The following NLRP14 variants were observed in gnomAD, a reference collection of about 807,000 sequenced individuals.
The protein encoded by NLRP14 is NLR family pyrin domain containing 14.
In NLRP14, 105 loss-of-function variants were observed where a neutral mutation model predicts 94.7. That is an observed-to-expected ratio of 1.11 (90% CI 0.95 to 1.30). The LOEUF is 1.30. Ranked by LOEUF, NLRP14 falls within the 50% of genes most tolerant of loss-of-function variation. The pLI is 0.00. For missense variants in NLRP14, 1,362 were observed against 1,254.1 expected (o/e 1.09, Z -1.30); for synonymous variants, 508 against 459.9 (o/e 1.10, Z -1.34).
At chr11:7,072,869 G>C (rs1028456659), downstream of NLRP14, among the ~76,000 whole-genome samples, 3 of 152,154 alleles carry the variant, frequency 2.0e-5, no homozygotes, top group Admixed American at 6.5e-5. Flanking sequence ...GTCTCAGAGA[G>C]ATAGTTTTAT....
At chr11:7,076,193 T>A (rs989686938), downstream of NLRP14, among the ~76,000 whole-genome samples, 1 of 152,142 alleles carries the variant, frequency 6.6e-6, no homozygotes, top group Non-Finnish European at 1.5e-5. Context: ...GTTACTAAGT[T>A]TTTTTGTATC....
At position 7,039,752 on chromosome 11, in the gene NLRP14, G is replaced by A; in HGVS notation, c.328G>A (p.Gly110Arg). The A allele has an allele frequency of 1.2e-6, 2 of 1,614,028 alleles. No homozygotes were observed. The highest frequency in any genetic ancestry group is 8.5e-7 in the Non-Finnish European group (1 of 1,179,888). ...QTIGPDDAKA[G>R]ETQEDQEAVL... ...TATAGGACCAGATGATGCCAAGGCT[G>A]GAGAGACACAAGAAGATCAGGAGGC... Residue 110 changes from glycine (G) to arginine (R), a missense_variant, in exon 3 of 12, where the codon GGA becomes AGA. Gly to Arg is a moderately radical substitution (Grantham distance 125). Transcript: ENST00000299481.
At chr11:7,030,607 T>G (rs1219272652) in intron 1 of NLRP14, among the ~76,000 whole-genome samples, 1 of 152,136 alleles carries the variant, frequency 6.6e-6, no homozygotes, top group African/African-American at 2.4e-5. Flanking sequence ...ATTCATTATT[T>G]GTGCCCCTTC....
At chr11:7,025,584 T>A (rs1852003311) in intron 1 of NLRP14, among the ~76,000 whole-genome samples, 1 of 152,176 alleles carries the variant, frequency 6.6e-6, no homozygotes, top group African/African-American at 2.4e-5. Context: ...ACTGAATTTT[T>A]CAATAGAAAG....
intron 1 of NLRP14, among the ~76,000 whole-genome samples, chr11:7,026,243 C>G (rs962531522): frequency 6.6e-6 from 1 of 151,984 alleles, no homozygotes; most frequent in Non-Finnish European, 1.5e-5. Context: ...AGAAAATTTT[C>G]GCAACCTACT....
At chr11:7,024,574 C>G (rs550613505) in intron 1 of NLRP14, among the ~76,000 whole-genome samples, 1 of 152,232 alleles carries the variant, frequency 6.6e-6, no homozygotes, top group South Asian at 2.1e-4. Context: ...TGAGAGAGGT[C>G]TCTGGAATCT....
the NLRP14 span, chr11:7,090,303 G>T: frequency 6.3e-7 from 1 of 1,589,404 alleles, no homozygotes; most frequent in Non-Finnish European, 8.6e-7. Context: ...ATACTAAGCA[G>T]GAACAGACTT....
chr11:7,062,202 C>G, intron 9 of NLRP14, 131 bp from the exon 10 acceptor site: 1 of 748,696 alleles, frequency 1.3e-6, no homozygotes, highest in South Asian at 1.6e-5. Flanking sequence ...TTAGACCCTC[C>G]CATGTATGTC....
At chr11:7,028,566 C>T (rs1225521225) in intron 1 of NLRP14, among the ~76,000 whole-genome samples, 1 of 152,120 alleles carries the variant, frequency 6.6e-6, no homozygotes, top group Non-Finnish European at 1.5e-5. Flanking sequence ...TGCCCAAAAC[C>T]CTCAGCTGGC....
chr11:7,049,880 G>C (rs759192374), intron 6 of NLRP14, 42 bp downstream of exon 6: 4 of 1,548,848 alleles, frequency 2.6e-6, no homozygotes, highest in Admixed American at 1.7e-5. Flanking sequence ...TTTTATAATT[G>C]AGGCTTTTGT....
At position 7,026,956 on chromosome 11, in the gene NLRP14, TATA is replaced by T. The variant is rs766560468; in HGVS notation, c.-22+6200_-22+6202del. On this transcript the variant is annotated intron_variant, in intron 1 of 11. Coordinates refer to ENST00000299481, the MANE Select transcript of NLRP14 (RefSeq NM_176822.4). ...TGCACATATACCCTAAAACTTAAAGTATAATAATAATAATAAAAAAGAAAAGAA... is the reference window on the plus strand; with the variant it reads ...TGCACATATACCCTAAAACTTAAAGTATAATAATAATAAAAAAGAAAAGAA... Among the ~76,000 whole-genome samples the T allele has an allele frequency of 2.0e-3, 301 of 151,690 alleles. 2 individuals carry two copies. The highest frequency in any genetic ancestry group is 6.9e-3 in the African/African-American group (286 of 41,326).
At chr11:7,090,283 G>A in the NLRP14 span, 3 of 1,601,356 alleles carry the variant, frequency 1.9e-6, no homozygotes, top group Non-Finnish European at 2.6e-6. Context: ...AGAGGAGGAG[G>A]CCGGAGCAGA....
intron 3 of NLRP14, among the ~76,000 whole-genome samples, chr11:7,041,873 G>A (rs954651519): frequency 1.3e-4 from 20 of 151,952 alleles, no homozygotes; most frequent in Non-Finnish European, 2.6e-4. Context: ...TTTCACTCAG[G>A]ATGTTTTTCT....
chr11:7,089,890 A>G, the NLRP14 span: 8 of 1,612,760 alleles, frequency 5.0e-6, no homozygotes, highest in African/African-American at 9.3e-5. Flanking sequence ...TTGAGAGGCT[A>G]CAGCGACCGA....
intron 1 of NLRP14, among the ~76,000 whole-genome samples, chr11:7,025,924 C>T (rs12418969): frequency 0.035 from 5,306 of 152,208 alleles, 146 homozygotes; most frequent in East Asian, 0.13. Flanking sequence ...AAGCCACGCA[C>T]AGATTGAATA....
chr11:7,059,635 T>G (rs1852581750), intron 8 of NLRP14, among the ~76,000 whole-genome samples: 1 of 151,972 alleles, frequency 6.6e-6, no homozygotes, highest in Non-Finnish European at 1.5e-5. Context: ...TACAACAGAG[T>G]ACTATGTATA....
Position 7,043,282 on chromosome 11 carries a change from C to A in NLRP14, c.1256C>A (p.Pro419His). 6.2e-7 allele frequency: 1 copy of A among 1,614,120 alleles called. No homozygotes were observed. Among genetic ancestry groups the A allele is most frequent in the Non-Finnish European group, 8.5e-7 (1 of 1,180,012 alleles). ...TPVDGGSPSL[P>H]NQAQLRRLCQ... ...GTAGATGGAGGCTCTCCTAGTCTAC[C>A]CAACCAAGCCCAGCTGAGAAGACTG... The change falls in exon 4 of 12, where the codon CCC becomes CAC. Residue 419 changes from proline to histidine, a missense_variant. By Grantham distance (77) the Pro-to-His change is moderately conservative (BLOSUM62 -2). Coordinates refer to ENST00000299481, the MANE Select transcript of NLRP14 (RefSeq NM_176822.4).
rs1354267819 is a variant in NLRP14 at position 7,020,723 on chromosome 11, G to T, written c.-69G>T. 1 of 152,320 alleles carries T rather than the reference G, an allele frequency of 6.6e-6. No individual in the cohort carries two copies. 9.4% of individuals were successfully genotyped at this position (152,320 alleles called of 1,614,324 possible). ...TCGCTGTCCCGCGCCTTGGCGGAAT[G>T]GGCACCTCACTAGCCCTGGCACTAG... On this transcript the variant is annotated 5_prime_UTR_variant, in exon 1 of 12. The change abolishes an upstream ATG in the 5' untranslated region. Coordinates refer to ENST00000299481, the MANE Select transcript of NLRP14 (RefSeq NM_176822.4).
intron 1 of NLRP14, among the ~76,000 whole-genome samples, chr11:7,025,355 G>T (rs1175126766): frequency 6.6e-6 from 1 of 152,058 alleles, no homozygotes; most frequent in Admixed American, 6.6e-5. Context: ...AAATGTTTAA[G>T]GATTTTCAAG....
Sources: allele counts gnomAD v4.1 joint callset (sites outside exome capture counted in the v4.1 genomes callset), GRCh38; gene constraint gnomAD v4.1.1; transcripts MANE v1.5; gene names NCBI Gene and HGNC (gene_info 2026-07-23, HGNC 2026-07-21).